PRKG1: variants seen among roughly 807,000 people sequenced by gnomAD.
PRKG1 encodes cGMP-dependent protein kinase 1.
Under a neutral mutation model 88.1 loss-of-function variants are expected in PRKG1, and 35 were observed. The ratio of observed to expected loss-of-function variants is 0.40; its 90% confidence interval spans 0.30 to 0.53. The LOEUF is 0.53. Ranked by LOEUF, PRKG1 falls within the 20% of genes least tolerant of loss-of-function variation. The pLI is 0.59. For synonymous variants in PRKG1, 303 were observed against 292.5 expected, an observed-to-expected ratio of 1.04 and a Z score of -0.37; for missense variants, 540 against 839.8, an observed-to-expected ratio of 0.64 and a Z score of 4.41.
chr10:51,701,702 AGTTG>A (rs1564613600), intron 3 of PRKG1, among the ~76,000 whole-genome samples: 1 of 152,172 alleles, frequency 6.6e-6, no homozygotes. Context: ...GTAACTTACA[AGTTG>A]AATATGTGTG....
At chr10:51,088,753 C>T (rs1188774060) in intron 1 of PRKG1, among the ~76,000 whole-genome samples, 1 of 151,120 alleles carries the variant, frequency 6.6e-6, no homozygotes, top group East Asian at 1.9e-4. Flanking sequence ...TCTGTTGCTC[C>T]ATGTTACATC....
At chr10:51,707,917 A>G (rs1408702899) in intron 3 of PRKG1, among the ~76,000 whole-genome samples, 1 of 152,198 alleles carries the variant, frequency 6.6e-6, no homozygotes, top group Non-Finnish European at 1.5e-5. Context: ...TAGAAATTAG[A>G]AAACCTAAAA....
intron 1 of PRKG1, among the ~76,000 whole-genome samples, chr10:51,138,939 T>A (rs1371448793): frequency 6.6e-6 from 1 of 151,818 alleles, no homozygotes; most frequent in Non-Finnish European, 1.5e-5. Flanking sequence ...CTCCTCAGCC[T>A]CCAAAGTGCT....
intron 3 of PRKG1, among the ~76,000 whole-genome samples, chr10:51,796,258 T>C (rs1839007687): frequency 6.6e-6 from 1 of 152,060 alleles, no homozygotes; most frequent in Non-Finnish European, 1.5e-5. Context: ...ATATAAGCAA[T>C]ATATATAATT....
chr10:51,208,923 G>A (rs545465460), intron 2 of PRKG1, among the ~76,000 whole-genome samples: 1 of 152,246 alleles, frequency 6.6e-6, no homozygotes, highest in African/African-American at 2.4e-5. Context: ...TCCCTTTTGT[G>A]TTCTCATCAA....
Position 52,129,963 on chromosome 10 carries a change from G to C in PRKG1, c.936-3877G>C, listed in dbSNP as rs79177150. 9.5e-3 allele frequency among the ~76,000 whole-genome samples: 1,446 copies of C among 152,206 alleles called. 21 individuals are homozygous for C. Among genetic ancestry groups the C allele is most frequent in the East Asian group, 0.051 (265 of 5,166 alleles). ...CATGACTTTAGGGACAGCCAGATCTGTGTTCAAATTCCAGAACTGTAACTC... is the reference window on the plus strand; with the variant it reads ...CATGACTTTAGGGACAGCCAGATCTCTGTTCAAATTCCAGAACTGTAACTC... On this transcript the variant is annotated intron_variant, in intron 7 of 17. Transcript: ENST00000373980.
intron 2 of PRKG1, among the ~76,000 whole-genome samples, chr10:51,372,262 A>G (rs1842720623): frequency 6.6e-6 from 1 of 152,154 alleles, no homozygotes; most frequent in African/African-American, 2.4e-5. Context: ...TATTAAATTT[A>G]ATCCTGCATT....
chr10:51,122,759 C>T (rs1001437266), intron 1 of PRKG1, among the ~76,000 whole-genome samples: 1 of 152,136 alleles, frequency 6.6e-6, no homozygotes, highest in African/African-American at 2.4e-5. Context: ...TGTTGTTCTC[C>T]CGTTGAGCAT....
chr10:52,017,582 G>A (rs1845072965), intron 5 of PRKG1, among the ~76,000 whole-genome samples: 1 of 152,094 alleles, frequency 6.6e-6, no homozygotes, highest in Non-Finnish European at 1.5e-5. Flanking sequence ...ACTGAGGAGG[G>A]GAAGATAGGA....
intron 3 of PRKG1, among the ~76,000 whole-genome samples, chr10:51,603,954 C>T (rs1838685838): frequency 6.6e-6 from 1 of 152,134 alleles, no homozygotes; most frequent in Admixed American, 6.5e-5. Flanking sequence ...AAGAACACTC[C>T]ATCCGGAATC....
intron 2 of PRKG1, among the ~76,000 whole-genome samples, chr10:51,366,516 T>C (rs1842593231): frequency 6.6e-6 from 1 of 151,966 alleles, no homozygotes; most frequent in Non-Finnish European, 1.5e-5. Flanking sequence ...TTATTTACTC[T>C]TTTCTATAAA....
intron 2 of PRKG1, among the ~76,000 whole-genome samples, chr10:51,442,300 G>T (rs1325874723): frequency 2.6e-5 from 4 of 151,684 alleles, no homozygotes; most frequent in African/African-American, 9.7e-5. Context: ...TCAAAATTTT[G>T]GTTTTAATTT....
intron 1 of PRKG1, among the ~76,000 whole-genome samples, chr10:51,014,286 T>C (rs1843028803): frequency 6.6e-6 from 1 of 151,778 alleles, no homozygotes; most frequent in South Asian, 2.1e-4. Flanking sequence ...TGTTGTTGCC[T>C]TGTAGGAGCT....
intron 2 of PRKG1, among the ~76,000 whole-genome samples, chr10:51,274,272 T>C (rs1198263117): frequency 6.6e-6 from 1 of 152,180 alleles, no homozygotes; most frequent in African/African-American, 2.4e-5. Flanking sequence ...TTGAAAACCA[T>C]TGCTGTTCTT....
At chr10:51,959,710 G>A (rs1255573951) in intron 5 of PRKG1, among the ~76,000 whole-genome samples, 5 of 152,144 alleles carry the variant, frequency 3.3e-5, no homozygotes, top group African/African-American at 1.2e-4. Context: ...GTTGGGCTCA[G>A]TGACTGATGA....
intron 2 of PRKG1, among the ~76,000 whole-genome samples, chr10:51,303,485 A>G (rs1840948373): frequency 6.6e-6 from 1 of 151,730 alleles, no homozygotes; most frequent in Admixed American, 6.6e-5. Context: ...TCTCTGCTTG[A>G]TGGAAAACTG....
intron 9 of PRKG1, among the ~76,000 whole-genome samples, chr10:52,196,182 T>G (rs981108697): frequency 3.9e-5 from 6 of 152,062 alleles, no homozygotes; most frequent in African/African-American, 1.4e-4. Context: ...CTGGCTAATT[T>G]TTTTTGGTAT....
At chr10:51,601,115 A>C (rs1838587208) in intron 3 of PRKG1, among the ~76,000 whole-genome samples, 1 of 152,038 alleles carries the variant, frequency 6.6e-6, no homozygotes, top group South Asian at 2.1e-4. Context: ...ATGTTATTTT[A>C]TTTCATTATA....
At chr10:51,102,835 C>T (rs1186446489) in intron 1 of PRKG1, among the ~76,000 whole-genome samples, 7 of 152,214 alleles carry the variant, frequency 4.6e-5, no homozygotes, top group African/African-American at 1.7e-4. Flanking sequence ...AAGAGAAACA[C>T]ACACACATAC....
Sources: allele counts gnomAD v4.1 joint callset (sites outside exome capture counted in the v4.1 genomes callset), GRCh38; gene constraint gnomAD v4.1.1; transcripts MANE v1.5; gene names NCBI Gene and HGNC (gene_info 2026-07-23, HGNC 2026-07-21).